The following GID4 variants were observed in gnomAD, a reference collection of about 807,000 sequenced individuals.
GID4 encodes the protein glucose-induced degradation protein 4 homolog.
In GID4, 7 loss-of-function variants were observed where a neutral mutation model predicts 32.4. That is an observed-to-expected ratio of 0.22 (90% CI 0.12 to 0.41). The LOEUF (loss-of-function observed/expected upper bound fraction) is 0.41, where lower values mean the gene tolerates loss of function less well. Among genes scored for constraint, GID4 ranks in the 10% least tolerant of loss-of-function variants. The pLI is 1.00. For synonymous variants in GID4, 166 were observed against 170.0 expected (o/e 0.98, Z 0.18); for missense variants, 309 against 400.0 (o/e 0.77, Z 1.94).
chr17:18,045,110 A>G (rs774487231), intron 1 of GID4, 37 bp from the exon 2 acceptor site: 4 of 1,545,556 alleles, frequency 2.6e-6, no homozygotes, highest in East Asian at 2.2e-5. Flanking sequence ...TAGTAAGTTT[A>G]TCTATTTGTG....
intron 3 of GID4, among the ~76,000 whole-genome samples, chr17:18,055,299 A>AT (rs1254073121): frequency 6.6e-6 from 1 of 152,090 alleles, no homozygotes. Flanking sequence ...CCAACCAGAA[A>AT]TGGCTGTGTC....
At chr17:18,046,575 A>C (rs2044854498) in intron 2 of GID4, among the ~76,000 whole-genome samples, 1 of 151,666 alleles carries the variant, frequency 6.6e-6, no homozygotes, top group Non-Finnish European at 1.5e-5. Flanking sequence ...GCCTGTGAAT[A>C]GCCACTGCAC....
At position 18,061,731 on chromosome 17, in the gene GID4, T is replaced by C; in HGVS notation, c.709-114T>C. ...CACCCAGCAAGTCTAGGTTAGACTA[T>C]GAGATCCTATATTTTTCTCGAGTGG... On this transcript the variant is annotated intron_variant, in intron 4 of 5. Transcript: ENST00000268719. The surrounding 1 kb of genome is among the most constrained non-coding windows in gnomAD (Gnocchi z 4.4). 1.0e-6 allele frequency: 1 copy of C among 980,554 alleles called. No homozygotes were observed. Among genetic ancestry groups the C allele is most frequent in the South Asian group, 1.4e-5 (1 of 71,598 alleles). 60.7% of individuals were successfully genotyped at this position (980,554 alleles called of 1,614,324 possible). A position where few individuals can be genotyped will look rare whatever the true frequency, so the allele number is the denominator to read the frequency against.
chr17:18,052,034 A>C (rs1388343276), intron 2 of GID4, among the ~76,000 whole-genome samples: 1 of 150,924 alleles, frequency 6.6e-6, no homozygotes, highest in Non-Finnish European at 1.5e-5. Flanking sequence ...AGATCGTGCC[A>C]CTGCATTCCG....
chr17:18,052,928 T>G (rs2044926607), intron 2 of GID4, among the ~76,000 whole-genome samples: 1 of 151,334 alleles, frequency 6.6e-6, no homozygotes, highest in Non-Finnish European at 1.5e-5. Flanking sequence ...CAAGGTATTC[T>G]AAGACTACCT....
At chr17:18,056,308 T>G (rs773032621) in intron 3 of GID4, among the ~76,000 whole-genome samples, 34 of 152,358 alleles carry the variant, frequency 2.2e-4, no homozygotes, top group Non-Finnish European at 5.0e-4. Flanking sequence ...AGACAGTCAT[T>G]TGTGTCTCTC....
chr17:18,059,061 C>T, intron 4 of GID4, 92 bp downstream of exon 4: 1 of 718,466 alleles, frequency 1.4e-6, no homozygotes, highest in Admixed American at 2.2e-5. Flanking sequence ...CTCCCCATGT[C>T]CAGTGCTCGT....
At position 18,067,419 on chromosome 17, in the gene GID4, T is replaced by TGA. The variant is rs2045075499; in HGVS notation, c.*2176_*2177insGA. ...ACCCAAGTCCTATGGCAGGATTTCT[T>TGA]CCTTCCTTCCTTTTTTACCCAGGTG... On this transcript the variant is annotated 3_prime_UTR_variant, in exon 6 of 6. Coordinates refer to ENST00000268719, the MANE Select transcript of GID4 (RefSeq NM_024052.5). 1 of 152,240 alleles carries TGA rather than the reference T, an allele frequency of 6.6e-6. No homozygotes were observed. The highest frequency in any genetic ancestry group is 2.4e-5 in the African/African-American group (1 of 41,446). The allele number at this position is 152,240 out of a possible 1,614,324, so 9.4% of individuals were successfully genotyped here.
intron 2 of GID4, among the ~76,000 whole-genome samples, chr17:18,047,320 C>T (rs2044863981): frequency 6.6e-6 from 1 of 152,218 alleles, no homozygotes; most frequent in Non-Finnish European, 1.5e-5. Flanking sequence ...CATTAGTTAA[C>T]TGGGTGCAGA....
intron 2 of GID4, among the ~76,000 whole-genome samples, chr17:18,051,943 A>T (rs2044913939): frequency 6.6e-6 from 1 of 150,874 alleles, no homozygotes; most frequent in Admixed American, 6.6e-5. Context: ...GCGTGGTGGC[A>T]TGCATCTGTA....
rs141270542 is a variant in GID4 at position 18,058,941 on chromosome 17, A to G, written c.680A>G (p.Asn227Ser). 8.1e-6 allele frequency: 13 copies of G among 1,611,832 alleles called. No individual in the cohort carries two copies. The African/African-American group carries it at 1.7e-4, about 22-fold the overall frequency. ...GACTTTGATTATGAAGAGCTGAAGA[A>G]TGGAGACTACGTCTTCATGAGGTGG... ...SDDFDYEELK[N>S]GDYVFMRWKE... Residue 227 changes from asparagine to serine, a missense_variant, in exon 4 of 6, where the codon AAT becomes AGT. Physicochemically the swap from Asn to Ser is conservative, Grantham distance 46. Transcript: ENST00000268719.
chr17:18,064,172 A>C (rs2045040474), intron 5 of GID4, among the ~76,000 whole-genome samples: 1 of 152,156 alleles, frequency 6.6e-6, no homozygotes, highest in Non-Finnish European at 1.5e-5. Flanking sequence ...AATTCCTTGG[A>C]CATATACCTA....
In GID4 at chr17:18,039,557, C is replaced by T; in HGVS notation, c.93C>T (p.Arg31=). 1 of 1,305,600 alleles carries T rather than the reference C, an allele frequency of 7.7e-7. No individual in the cohort carries two copies. The highest frequency in any genetic ancestry group is 9.7e-7 in the Non-Finnish European group (1 of 1,031,506). 80.9% of individuals were successfully genotyped at this position (1,305,600 alleles called of 1,614,324 possible). ...CTGGGTCCCGGTGGCGGCCGGAGCG[C>T]TTGCTCCGCAGGCAGCGGGCGGGTG... ...QVPGSRWRPE[R]LLRRQRAGGR... is the part of the protein sequence containing the mutation. Residue 31 remains arginine (R), a synonymous_variant, in exon 1 of 6, where the codon CGC becomes CGT. Transcript: ENST00000268719. This position sits in a 1 kb window ranked among gnomAD's most constrained non-coding sequence, Gnocchi z 5.3.
At chr17:18,056,654 A>G (rs1455785820) in intron 3 of GID4, 4 of 1,531,110 alleles carry the variant, frequency 2.6e-6, no homozygotes, top group Non-Finnish European at 2.6e-6. Context: ...TTGACTACAA[A>G]TTAAATACTT....
chr17:18,065,332 A>G lies in GID4; in HGVS notation c.*89A>G, dbSNP rs1232686000. 1 of 945,186 alleles carries G rather than the reference A, an allele frequency of 1.1e-6. No individual in the cohort carries two copies. Among genetic ancestry groups the G allele is most frequent in the Non-Finnish European group, 1.7e-6 (1 of 583,124 alleles). 58.5% of individuals were successfully genotyped at this position (945,186 alleles called of 1,614,324 possible). A position where few individuals can be genotyped will look rare whatever the true frequency, so the allele number is the denominator to read the frequency against. ...TTGTGTACCTGCCAGAACCAGGAGAAGTGTGTTCCTGTTTCTTCACGAGCA... is the reference window on the plus strand; with the variant it reads ...TTGTGTACCTGCCAGAACCAGGAGAGGTGTGTTCCTGTTTCTTCACGAGCA... On this transcript the variant is annotated 3_prime_UTR_variant, in exon 6 of 6. Coordinates refer to ENST00000268719, the MANE Select transcript of GID4 (RefSeq NM_024052.5).
intron 2 of GID4, among the ~76,000 whole-genome samples, chr17:18,047,605 C>A (rs1370864796): frequency 6.6e-6 from 1 of 152,204 alleles, no homozygotes; most frequent in Non-Finnish European, 1.5e-5. Flanking sequence ...TGGGGGCTAA[C>A]CCAAGGGGAG....
At chr17:18,059,466 C>T (rs769839150) in intron 4 of GID4, among the ~76,000 whole-genome samples, 6 of 152,184 alleles carry the variant, frequency 3.9e-5, no homozygotes, top group Non-Finnish European at 5.9e-5. Flanking sequence ...CTCTACTTCC[C>T]TCCAGCTCAG....
chr17:18,064,196 T>G (rs2045040687), intron 5 of GID4, among the ~76,000 whole-genome samples: 1 of 152,190 alleles, frequency 6.6e-6, no homozygotes, highest in African/African-American at 2.4e-5. Context: ...GTGAAATTGC[T>G]AGGTCATACG....
intron 2 of GID4, among the ~76,000 whole-genome samples, chr17:18,053,898 G>A (rs987046770): frequency 6.6e-6 from 1 of 152,220 alleles, no homozygotes; most frequent in Non-Finnish European, 1.5e-5. Flanking sequence ...AAGAAGGGCT[G>A]TCTGCTGCTG....
Sources: gnomAD v4.1 joint callset for allele counts (sites outside exome capture counted in the v4.1 genomes callset) on GRCh38, gnomAD v4.1.1 for gene constraint, Gnocchi (gnomAD v3.1) non-coding constraint, MANE v1.5 for transcripts, NCBI Gene and HGNC (gene_info 2026-07-23, HGNC 2026-07-21) for gene names.